Variants in KIF5C observed in about 807,000 individuals in gnomAD.
KIF5C encodes kinesin family member 5C, also known as kinesin heavy chain isoform 5C.
In KIF5C, 18 loss-of-function variants were observed where a neutral mutation model predicts 125.2. The ratio of observed to expected loss-of-function variants is 0.14; its 90% CI spans 0.10 to 0.21. KIF5C has a LOEUF of 0.21. Ranked by LOEUF, KIF5C falls within the 10% of genes least tolerant of loss-of-function variation. The probability of loss-of-function intolerance (pLI) is 1.00; values close to 1 mark genes in which losing one functional copy is unlikely to be tolerated. For missense variants in KIF5C, 780 were observed against 1,183.8 expected, an observed-to-expected ratio of 0.66 and a Z score of 5.01; for synonymous variants, 405 against 434.0, an observed-to-expected ratio of 0.93 and a Z score of 0.83.
intron 15 of KIF5C, among the ~76,000 whole-genome samples, chr2:148,986,478 G>A (rs1681384602): frequency 6.6e-6 from 1 of 152,168 alleles, no homozygotes; most frequent in Non-Finnish European, 1.5e-5. Context: ...TTTATAAAAT[G>A]ACAAGATAAG....
intron 3 of KIF5C, 39 bp from the exon 4 acceptor site, chr2:148,937,245 C>T (rs1360716354): frequency 3.9e-6 from 6 of 1,553,980 alleles, no homozygotes; most frequent in Non-Finnish European, 5.2e-6. Flanking sequence ...TGTCTCCCAG[C>T]ATGCTTTAAC....
chr2:148,876,843 C>A lies in KIF5C; in HGVS notation c.126+1100C>A, dbSNP rs914695404. 8.5e-5 allele frequency among the ~76,000 whole-genome samples: 13 copies of A among 152,330 alleles called. No homozygotes were observed. The highest frequency in any genetic ancestry group is 3.1e-4 in the African/African-American group (13 of 41,574). ...GTTAATGGGAGCCTCCCGGTCCCCG[C>A]TGACACGTTCCTGGCAGCCTGCTCC... is the stretch of plus-strand genomic sequence containing the variant. On this transcript the variant is annotated intron_variant, in intron 1 of 25. Coordinates refer to ENST00000435030, the MANE Select transcript of KIF5C (RefSeq NM_004522.3). This position sits in a 1 kb window ranked among gnomAD's most constrained non-coding sequence, Gnocchi z 4.7.
At chr2:149,000,825 G>A (rs1174587065) in intron 21 of KIF5C, 43 bp downstream of exon 21, 15 of 1,606,048 alleles carry the variant, frequency 9.3e-6, no homozygotes, top group South Asian at 2.3e-5. Flanking sequence ...CTCCAAGACC[G>A]GATTCATTTG....
intron 1 of KIF5C, among the ~76,000 whole-genome samples, chr2:148,912,700 C>T (rs754388932): frequency 7.2e-5 from 11 of 152,232 alleles, no homozygotes; most frequent in Non-Finnish European, 7.3e-5. Flanking sequence ...CTTCCCACTA[C>T]GGGCTCCCAA....
intron 2 of KIF5C, among the ~76,000 whole-genome samples, chr2:148,922,683 T>G (rs1342132527): frequency 6.6e-6 from 1 of 152,216 alleles, no homozygotes; most frequent in Non-Finnish European, 1.5e-5. Flanking sequence ...TATGGAAAAT[T>G]TTTGCCATTT....
chr2:148,947,282 G>C, intron 8 of KIF5C: 1 of 433,228 alleles, frequency 2.3e-6, no homozygotes, highest in East Asian at 4.3e-5. Flanking sequence ...GATGATATGA[G>C]GCAACAGTTG....
intron 12 of KIF5C, among the ~76,000 whole-genome samples, chr2:148,974,993 C>A (rs1399256203): frequency 2.0e-5 from 3 of 152,210 alleles, no homozygotes; most frequent in African/African-American, 7.2e-5. Flanking sequence ...ATGAAAATGC[C>A]ATGTCCAAAG....
chr2:148,883,224 A>G (rs770296204), intron 1 of KIF5C, among the ~76,000 whole-genome samples: 41 of 152,332 alleles, frequency 2.7e-4, no homozygotes, highest in Admixed American at 2.3e-3. Context: ...CATTTTGGCC[A>G]GGCGCAGTGG....
Position 148,875,558 on chromosome 2 carries a change from C to T in KIF5C, c.-60C>T, listed in dbSNP as rs1028012637. On this transcript the variant is annotated 5_prime_UTR_variant, in exon 1 of 26. Coordinates refer to ENST00000435030, the MANE Select transcript of KIF5C (RefSeq NM_004522.3). ...CGGTGCAGCTCGCGGCCTCCTCCCT[C>T]GTCGTTCCCGGCCCCGGCCCCCCAC... 8.2e-6 allele frequency: 11 copies of T among 1,345,438 alleles called. No individual in the cohort carries two copies. The highest frequency in any genetic ancestry group is 1.0e-5 in the Non-Finnish European group (10 of 964,648). The allele number at this position is 1,345,438 out of a possible 1,614,324, so 83.3% of individuals were successfully genotyped here. A position where few individuals can be genotyped will look rare whatever the true frequency, so the allele number is the denominator to read the frequency against.
chr2:148,889,487 A>G (rs114652941), intron 1 of KIF5C, among the ~76,000 whole-genome samples: 1,574 of 152,242 alleles, frequency 0.01, 31 homozygotes, highest in African/African-American at 0.036. Flanking sequence ...ACATCCATCA[A>G]TTGGTGGAGG....
intron 11 of KIF5C, among the ~76,000 whole-genome samples, chr2:148,966,785 CA>C (rs966546557): frequency 6.6e-6 from 1 of 152,076 alleles, no homozygotes; most frequent in African/African-American, 2.4e-5. Context: ...TCATGAATGG[CA>C]TTAGTGTCCT....
chr2:148,946,000 C>T (rs1558910049), intron 7 of KIF5C, among the ~76,000 whole-genome samples: 1 of 152,052 alleles, frequency 6.6e-6, no homozygotes, highest in African/African-American at 2.4e-5. Context: ...TTTGTAGTTT[C>T]CAGTGTACAA....
chr2:149,006,389 T>G (rs1185556378), intron 22 of KIF5C, among the ~76,000 whole-genome samples: 1 of 152,134 alleles, frequency 6.6e-6, no homozygotes, highest in Non-Finnish European at 1.5e-5. Context: ...GAAGTCAAGT[T>G]GGAAGGATCG....
At chr2:148,893,550 A>G (rs995697870) in intron 1 of KIF5C, among the ~76,000 whole-genome samples, 1 of 152,082 alleles carries the variant, frequency 6.6e-6, no homozygotes, top group Non-Finnish European at 1.5e-5. Context: ...TGCCATTCCC[A>G]TCTATCTGTG....
intron 1 of KIF5C, among the ~76,000 whole-genome samples, chr2:148,902,807 G>C (rs1182559076): frequency 6.6e-6 from 1 of 152,124 alleles, no homozygotes; most frequent in Non-Finnish European, 1.5e-5. Flanking sequence ...CCTTTTCCCT[G>C]CAACACACAC....
chr2:148,981,620 T>C (rs371296710), intron 14 of KIF5C, 59 bp downstream of exon 14: 74 of 1,499,008 alleles, frequency 4.9e-5, no homozygotes, highest in East Asian at 1.7e-4. Context: ...TGTACTCATA[T>C]TGATATTCAT....
chr2:148,986,067 A>G (rs1256042410), intron 15 of KIF5C, among the ~76,000 whole-genome samples: 1 of 152,212 alleles, frequency 6.6e-6, no homozygotes. Flanking sequence ...TGGCCTCACA[A>G]TATGAAGGTG....
intron 10 of KIF5C, among the ~76,000 whole-genome samples, chr2:148,952,289 A>G (rs910618618): frequency 8.5e-5 from 13 of 152,212 alleles, no homozygotes; most frequent in Non-Finnish European, 1.5e-4. Context: ...TTACCAGCAA[A>G]GCAAAAATAT....
chr2:149,024,309 T>C lies in KIF5C; in HGVS notation c.*1239T>C, dbSNP rs1682620413. ...CAAGTAGTAAAGTTTTCAGGGAAACTGACTGTGCTGCTATTTGTTTTGACA... is the reference window on the plus strand; with the variant it reads ...CAAGTAGTAAAGTTTTCAGGGAAACCGACTGTGCTGCTATTTGTTTTGACA... On this transcript the variant is annotated 3_prime_UTR_variant, in exon 26 of 26. Coordinates refer to ENST00000435030, the MANE Select transcript of KIF5C (RefSeq NM_004522.3). 6.6e-6 allele frequency: 1 copy of C among 152,634 alleles called. No individual in the cohort carries two copies. The highest frequency in any genetic ancestry group is 1.9e-4 in the East Asian group (1 of 5,164). 9.5% of individuals were successfully genotyped at this position (152,634 alleles called of 1,614,324 possible).
Sources: gnomAD v4.1 joint callset for allele counts (sites outside exome capture counted in the v4.1 genomes callset) on GRCh38, gnomAD v4.1.1 for gene constraint, Gnocchi (gnomAD v3.1) non-coding constraint, MANE v1.5 for transcripts, NCBI Gene and HGNC (gene_info 2026-07-23, HGNC 2026-07-21) for gene names.